Variants in FRMD4A observed in about 807,000 individuals in gnomAD.
The protein encoded by FRMD4A is FERM domain containing 4A.
In FRMD4A, 29 loss-of-function variants were observed where a neutral mutation model predicts 129.1. The observed-to-expected ratio is 0.22, with a 90% confidence interval of 0.17 to 0.31. FRMD4A has a LOEUF of 0.31. Among genes scored for constraint, FRMD4A ranks in the 10% least tolerant of loss-of-function variants. FRMD4A has a pLI of 1.00. For missense variants in FRMD4A, 1,272 were observed against 1,375.8 expected (o/e 0.92, Z 1.19); for synonymous variants, 634 against 571.6 (o/e 1.11, Z -1.56).
At chr10:14,165,394 AT>A (rs1253766238) in intron 2 of FRMD4A, among the ~76,000 whole-genome samples, 2 of 152,226 alleles carry the variant, frequency 1.3e-5, no homozygotes, top group Admixed American at 6.5e-5. Context: ...AAAAAATGGA[AT>A]GCCTATACAC....
chr10:14,182,878 C>G (rs775659170), intron 2 of FRMD4A, among the ~76,000 whole-genome samples: 1 of 152,144 alleles, frequency 6.6e-6, no homozygotes, highest in Non-Finnish European at 1.5e-5. Flanking sequence ...TGGAAGCAAA[C>G]GTTGGGAGAA....
At chr10:13,653,010 CCAGG>C (rs965417843) in intron 23 of FRMD4A, 37 of 152,052 alleles carry the variant, frequency 2.4e-4, no homozygotes, top group African/African-American at 8.9e-4. Flanking sequence ...AGACTTTGGG[CCAGG>C]CACTTAGTTC....
intron 11 of FRMD4A, 28 bp downstream of exon 11, chr10:13,740,166 G>A: frequency 1.4e-6 from 2 of 1,403,600 alleles, no homozygotes; most frequent in Non-Finnish European, 2.0e-6. Flanking sequence ...GGGAGGTTTG[G>A]TAACCTTCAC....
chr10:13,879,257 G>A lies in FRMD4A; in HGVS notation c.46-20345C>T, dbSNP rs925155248. Among the ~76,000 whole-genome samples, 4 of 151,988 alleles carry A rather than the reference G, an allele frequency of 2.6e-5. No individual in the cohort carries two copies. The East Asian group carries it at 5.8e-4, about 22-fold the overall frequency. On this transcript the variant is annotated intron_variant, in intron 2 of 24. Transcript: ENST00000357447. The stretch of plus-strand genomic sequence containing the variant: ...CTAAAAAAAAATACAAAAATTAGCC[G>A]GGTGTGGTGGTAATCCCAGTGCTTT...
At chr10:14,265,440 T>C (rs1844944929) in intron 2 of FRMD4A, among the ~76,000 whole-genome samples, 1 of 152,238 alleles carries the variant, frequency 6.6e-6, no homozygotes, top group Non-Finnish European at 1.5e-5. Context: ...CTGACACCTT[T>C]GTATTTATGT....
At position 14,048,593 on chromosome 10, in the gene FRMD4A, G is replaced by A. The variant is rs145755640; in HGVS notation, c.46-189681C>T. Among the ~76,000 whole-genome samples the A allele has an allele frequency of 8.9e-4, 136 of 152,130 alleles. 1 individual carries two copies. Among genetic ancestry groups the A allele is most frequent in the African/African-American group, 3.1e-3 (130 of 41,496 alleles). ...GGCGAAGGCAGGCGGATCACTTGAG[G>A]TCAGGAGTACAAGACCAGCCTGGCC... On this transcript the variant is annotated intron_variant, in intron 2 of 24. Transcript: ENST00000357447.
At chr10:13,903,888 A>C (rs953758617) in intron 2 of FRMD4A, among the ~76,000 whole-genome samples, 1 of 152,162 alleles carries the variant, frequency 6.6e-6, no homozygotes, top group South Asian at 2.1e-4. Context: ...CTCTTAAAAA[A>C]AAAAATTGTC....
intron 2 of FRMD4A, among the ~76,000 whole-genome samples, chr10:14,057,325 C>T (rs888357083): frequency 3.9e-5 from 6 of 152,196 alleles, no homozygotes; most frequent in Admixed American, 3.9e-4. Context: ...ACTTCCCCCC[C>T]ATTCAGCATA....
chr10:13,820,940 G>A (rs1256330956), intron 3 of FRMD4A, among the ~76,000 whole-genome samples: 1 of 152,242 alleles, frequency 6.6e-6, no homozygotes, highest in East Asian at 1.9e-4. Flanking sequence ...GGACAGGAGG[G>A]GCCGGGGTTA....
intron 3 of FRMD4A, among the ~76,000 whole-genome samples, chr10:13,852,010 T>C (rs1326755262): frequency 1.3e-5 from 2 of 151,814 alleles, no homozygotes; most frequent in Non-Finnish European, 2.9e-5. Flanking sequence ...GACATTATGG[T>C]GAGCTGTAGA....
chr10:14,273,159 A>G (rs1321229347), intron 2 of FRMD4A, among the ~76,000 whole-genome samples: 1 of 152,116 alleles, frequency 6.6e-6, no homozygotes, highest in Non-Finnish European at 1.5e-5. Flanking sequence ...CAGGAAGCTA[A>G]GGTGGGAGGA....
At chr10:14,310,054 A>G (rs1305974229) in intron 2 of FRMD4A, among the ~76,000 whole-genome samples, 3 of 151,698 alleles carry the variant, frequency 2.0e-5, no homozygotes, top group African/African-American at 7.3e-5. Flanking sequence ...AGCTTCTCTA[A>G]CCCTGTGAGT....
At chr10:14,280,322 T>G (rs1845476576) in intron 2 of FRMD4A, among the ~76,000 whole-genome samples, 1 of 152,050 alleles carries the variant, frequency 6.6e-6, no homozygotes, top group Non-Finnish European at 1.5e-5. Context: ...ATACTTTTTT[T>G]TTTTTTAAAT....
Position 13,782,689 on chromosome 10 carries a change from G to A in FRMD4A, c.384+233C>T, listed in dbSNP as rs142132111. 5.2e-3 allele frequency among the ~76,000 whole-genome samples: 797 copies of A among 152,238 alleles called. 10 individuals are homozygous for A. The highest frequency in any genetic ancestry group is 0.014 in the African/African-American group (561 of 41,536). ...AATCTCTTGACCACGTGATCCACCC[G>A]CCTCGGCCTCCCAAAGTGTTGGGAT... On this transcript the variant is annotated intron_variant, in intron 6 of 24. Transcript: ENST00000357447.
chr10:13,878,858 G>A (rs938577458), intron 2 of FRMD4A, among the ~76,000 whole-genome samples: 3 of 86,692 alleles, frequency 3.5e-5, no homozygotes, highest in Admixed American at 1.2e-4. Flanking sequence ...GAAGGAACCT[G>A]GAAATGAGTC....
intron 15 of FRMD4A, among the ~76,000 whole-genome samples, chr10:13,679,474 T>TATATACACACACACACACACAC (rs1308155926): frequency 3.1e-3 from 96 of 31,454 alleles, no homozygotes; most frequent in East Asian, 6.2e-3. Flanking sequence ...TATATATATA[T>TATATACACACACACACACACAC]ACACACACAC....
At chr10:13,741,627 G>A (rs1031639506) in intron 9 of FRMD4A, among the ~76,000 whole-genome samples, 14 of 152,140 alleles carry the variant, frequency 9.2e-5, no homozygotes, top group Admixed American at 2.0e-4. Context: ...TTCACACAGG[G>A]CCTCATGGGG....
At chr10:14,170,383 C>T (rs1293230129) in intron 2 of FRMD4A, among the ~76,000 whole-genome samples, 1 of 152,160 alleles carries the variant, frequency 6.6e-6, no homozygotes, top group Non-Finnish European at 1.5e-5. Flanking sequence ...CCCTTAATTG[C>T]CCCTTTCATA....
intron 2 of FRMD4A, among the ~76,000 whole-genome samples, chr10:14,051,177 G>A (rs768571528): frequency 6.6e-6 from 1 of 152,196 alleles, no homozygotes. Flanking sequence ...CTAGCCTTTC[G>A]ATGCTCTCTT....
Sources: allele counts gnomAD v4.1 joint callset (sites outside exome capture counted in the v4.1 genomes callset), GRCh38; gene constraint gnomAD v4.1.1; transcripts MANE v1.5; gene names NCBI Gene and HGNC (gene_info 2026-07-23, HGNC 2026-07-21).